Variants in KCNIP4 observed in about 807,000 individuals in gnomAD.
KCNIP4 encodes Kv channel-interacting protein 4.
Under a neutral mutation model 34.0 loss-of-function variants are expected in KCNIP4, and 12 were observed. The ratio of observed to expected loss-of-function variants is 0.35; its 90% CI spans 0.23 to 0.57. The LOEUF is 0.57. Among genes scored for constraint, KCNIP4 ranks in the 20% least tolerant of loss-of-function variants. The pLI, the probability that KCNIP4 is intolerant of heterozygous loss-of-function variation, is 0.83. For synonymous variants in KCNIP4, 124 were observed against 102.2 expected (o/e 1.21, Z -1.29); for missense variants, 238 against 311.7 (o/e 0.76, Z 1.78).
intron 1 of KCNIP4, among the ~76,000 whole-genome samples, chr4:21,113,201 G>A (rs1186871172): frequency 3.3e-5 from 5 of 152,160 alleles, no homozygotes; most frequent in Admixed American, 2.6e-4. Flanking sequence ...GAAGGCAATG[G>A]AACAATCTAG....
intron 1 of KCNIP4, among the ~76,000 whole-genome samples, chr4:21,136,994 C>G (rs1303415841): frequency 6.6e-6 from 1 of 152,096 alleles, no homozygotes; most frequent in Non-Finnish European, 1.5e-5. Flanking sequence ...CACTGTGGGC[C>G]CTTCTCATAA....
intron 5 of KCNIP4, among the ~76,000 whole-genome samples, chr4:20,738,577 A>C (rs949668695): frequency 3.3e-5 from 5 of 152,230 alleles, no homozygotes; most frequent in African/African-American, 1.2e-4. Flanking sequence ...CACACAAAAC[A>C]GCAGAGAAAC....
intron 1 of KCNIP4, among the ~76,000 whole-genome samples, chr4:21,557,104 C>T (rs1739129123): frequency 1.3e-5 from 2 of 151,768 alleles, no homozygotes; most frequent in Admixed American, 1.3e-4. Context: ...TAGTGGGTAC[C>T]ATGTGGAGCA....
chr4:20,740,890 T>C (rs1172908785), intron 5 of KCNIP4, among the ~76,000 whole-genome samples: 3 of 150,300 alleles, frequency 2.0e-5, no homozygotes, highest in Admixed American at 6.6e-5. Flanking sequence ...ACCAAGCAAA[T>C]GGAAAACAAA....
At chr4:20,803,001 G>A (rs564705503) in intron 3 of KCNIP4, among the ~76,000 whole-genome samples, 28 of 150,326 alleles carry the variant, frequency 1.9e-4, no homozygotes, top group African/African-American at 6.9e-4. Flanking sequence ...CGTGAATCTG[G>A]GAGGCGTAGC....
chr4:20,762,555 C>T (rs1030482535), intron 3 of KCNIP4, among the ~76,000 whole-genome samples: 1 of 152,192 alleles, frequency 6.6e-6, no homozygotes, highest in African/African-American at 2.4e-5. Context: ...TTCACCTCTT[C>T]TGTGCAGTGA....
At chr4:21,595,625 T>C (rs1742586290) in intron 1 of KCNIP4, among the ~76,000 whole-genome samples, 1 of 152,112 alleles carries the variant, frequency 6.6e-6, no homozygotes, top group African/African-American at 2.4e-5. Context: ...AGAGCATTCC[T>C]ATTTCTCCTC....
At chr4:21,405,271 C>T (rs557203310) in intron 1 of KCNIP4, among the ~76,000 whole-genome samples, 3 of 152,194 alleles carry the variant, frequency 2.0e-5, no homozygotes, top group African/African-American at 4.8e-5. Context: ...CTCAGTCTCT[C>T]TCCCCCACTG....
At chr4:20,739,893 C>T (rs1750636687) in intron 5 of KCNIP4, among the ~76,000 whole-genome samples, 1 of 152,102 alleles carries the variant, frequency 6.6e-6, no homozygotes, top group African/African-American at 2.4e-5. Flanking sequence ...GTAGAGAAGA[C>T]CTTAAATGAC....
At chr4:21,707,771 T>A (rs1483768038) in intron 1 of KCNIP4, among the ~76,000 whole-genome samples, 2 of 151,982 alleles carry the variant, frequency 1.3e-5, no homozygotes, top group African/African-American at 4.8e-5. Context: ...TGTGTCAGCA[T>A]CCAGGACTTC....
Position 21,367,686 on chromosome 4 carries a change from C to T in KCNIP4, c.62-484977G>A, listed in dbSNP as rs1160634043. On this transcript the variant is annotated intron_variant, in intron 1 of 8. Coordinates refer to ENST00000382152, the MANE Select transcript of KCNIP4 (RefSeq NM_025221.6). ...AAAATCCTGATGGAAAATCATGGCT[C>T]CATGGGGGAGTTTGCTCTGGTGGAA... Among the ~76,000 whole-genome samples the T allele has an allele frequency of 1.4e-5, 2 of 147,512 alleles. 1 individual carries two copies. Among genetic ancestry groups the T allele is most frequent in the African/African-American group, 5.4e-5 (2 of 37,162 alleles).
intron 1 of KCNIP4, among the ~76,000 whole-genome samples, chr4:21,920,085 C>A (rs9994569): frequency 1.4e-4 from 21 of 152,086 alleles, no homozygotes; most frequent in Admixed American, 3.3e-4. Flanking sequence ...ACTGTCTATA[C>A]CGTTCTTGAA....
intron 1 of KCNIP4, chr4:21,697,530 TTC>T: frequency 6.9e-7 from 1 of 1,457,858 alleles, no homozygotes; most frequent in Non-Finnish European, 8.9e-7. Context: ...GAGGAGAAAC[TTC>T]TGTCTCAGTT....
chr4:21,008,718 G>T (rs1738791586), intron 1 of KCNIP4, among the ~76,000 whole-genome samples: 1 of 151,550 alleles, frequency 6.6e-6, no homozygotes, highest in Non-Finnish European at 1.5e-5. Flanking sequence ...TAGAGACGGG[G>T]TTTCACCGTG....
At chr4:21,256,512 T>C (rs978722072) in intron 1 of KCNIP4, among the ~76,000 whole-genome samples, 1 of 151,836 alleles carries the variant, frequency 6.6e-6, no homozygotes, top group Non-Finnish European at 1.5e-5. Flanking sequence ...GGTGGGAGGA[T>C]TGCTGGAGTC....
rs1285957947 is a variant in KCNIP4 at position 21,499,826 on chromosome 4, A to G, written c.61+448745T>C. On this transcript the variant is annotated intron_variant, in intron 1 of 8. Coordinates refer to ENST00000382152, the MANE Select transcript of KCNIP4 (RefSeq NM_025221.6). ...CTTTGATTTCAGAGTTAATAAATGT[A>G]ACCAATACTTCAAAAAGCTGACTTA... Among the ~76,000 whole-genome samples, 3 of 152,236 alleles carry G rather than the reference A, an allele frequency of 2.0e-5. No homozygotes were observed. In the East Asian group the frequency reaches 5.8e-4, roughly 30 times the overall value.
At chr4:21,033,976 G>T (rs111745213) in intron 1 of KCNIP4, among the ~76,000 whole-genome samples, 1 of 151,988 alleles carries the variant, frequency 6.6e-6, no homozygotes, top group Non-Finnish European at 1.5e-5. Flanking sequence ...ATTTTTCTGC[G>T]TGTATTGCAA....
intron 3 of KCNIP4, among the ~76,000 whole-genome samples, chr4:20,766,611 T>A (rs1755441484): frequency 6.6e-6 from 1 of 152,050 alleles, no homozygotes; most frequent in Non-Finnish European, 1.5e-5. Context: ...TTAGAGACAA[T>A]TCAATTCAAT....
chr4:21,094,576 C>T (rs720852), intron 1 of KCNIP4, among the ~76,000 whole-genome samples: 24,267 of 152,112 alleles, frequency 0.16, 2,045 homozygotes, highest in East Asian at 0.23. Context: ...CAATGAGCCT[C>T]GTCTCCTGAT....
Sources: allele counts gnomAD v4.1 joint callset (sites outside exome capture counted in the v4.1 genomes callset), GRCh38; gene constraint gnomAD v4.1.1; transcripts MANE v1.5; gene names NCBI Gene and HGNC (gene_info 2026-07-23, HGNC 2026-07-21).